EPB41L4A: variants seen among roughly 807,000 people sequenced by gnomAD.
The protein encoded by EPB41L4A is band 4.1-like protein 4A.
In EPB41L4A, 100 loss-of-function variants were observed where a neutral mutation model predicts 108.6. The observed-to-expected ratio is 0.92, with a 90% confidence interval of 0.78 to 1.09. The LOEUF (loss-of-function observed/expected upper bound fraction) is 1.09, where lower values mean the gene tolerates loss of function less well. Ranked by LOEUF, EPB41L4A falls within the 50% of genes least tolerant of loss-of-function variation. The pLI is 0.00. For synonymous variants in EPB41L4A, 319 were observed against 289.0 expected, an observed-to-expected ratio of 1.10 and a Z score of -1.05; for missense variants, 1,030 against 842.7, an observed-to-expected ratio of 1.22 and a Z score of -2.75.
intron 2 of EPB41L4A, among the ~76,000 whole-genome samples, chr5:112,287,465 T>A (rs1372909176): frequency 6.6e-6 from 1 of 152,268 alleles, no homozygotes; most frequent in East Asian, 1.9e-4. Flanking sequence ...CATTATCTTT[T>A]ACTTGGATTT....
At chr5:112,173,789 A>G (rs1187664248) in intron 18 of EPB41L4A, 1 of 152,070 alleles carries the variant, frequency 6.6e-6, no homozygotes, top group Non-Finnish European at 1.5e-5. Context: ...GATTGCAGGC[A>G]TGTGCCACCC....
At chr5:112,345,999 G>C (rs1757637717) in intron 1 of EPB41L4A, among the ~76,000 whole-genome samples, 1 of 151,772 alleles carries the variant, frequency 6.6e-6, no homozygotes, top group Non-Finnish European at 1.5e-5. Flanking sequence ...TCACTGACAA[G>C]GACAAGGCAG....
intron 1 of EPB41L4A, among the ~76,000 whole-genome samples, chr5:112,355,548 G>A (rs1758308951): frequency 1.3e-5 from 2 of 152,150 alleles, no homozygotes; most frequent in African/African-American, 4.8e-5. Context: ...AATATGATGA[G>A]TTCATTTCTG....
At chr5:112,278,789 C>T (rs1336630988) in intron 3 of EPB41L4A, among the ~76,000 whole-genome samples, 1 of 151,134 alleles carries the variant, frequency 6.6e-6, no homozygotes, top group Non-Finnish European at 1.5e-5. Flanking sequence ...TGCAATGGCT[C>T]ACACCTGTAA....
intron 20 of EPB41L4A, 49 bp from the exon 21 acceptor site, chr5:112,169,154 A>C (rs753933549): frequency 1.7e-5 from 22 of 1,312,886 alleles, no homozygotes; most frequent in Non-Finnish European, 2.4e-5. Flanking sequence ...AAGTCAGAAA[A>C]GGAAAAGTAG....
intron 1 of EPB41L4A, among the ~76,000 whole-genome samples, chr5:112,322,655 A>AG (rs1051811781): frequency 4.6e-5 from 7 of 151,854 alleles, no homozygotes; most frequent in African/African-American, 1.7e-4. Context: ...CCCATACCTC[A>AG]GCTGATGGGT....
chr5:112,341,723 G>A (rs1757329331), intron 1 of EPB41L4A, among the ~76,000 whole-genome samples: 1 of 151,392 alleles, frequency 6.6e-6, no homozygotes, highest in Non-Finnish European at 1.5e-5. Context: ...ACCAGCCTGT[G>A]CAACATGGCA....
At chr5:112,286,354 T>C (rs1037631452) in intron 2 of EPB41L4A, among the ~76,000 whole-genome samples, 11 of 152,048 alleles carry the variant, frequency 7.2e-5, no homozygotes, top group Non-Finnish European at 1.6e-4. Context: ...TGCACAACCA[T>C]AGGTGGGCTT....
chr5:112,337,182 A>T (rs1001980683), intron 1 of EPB41L4A, among the ~76,000 whole-genome samples: 1 of 152,218 alleles, frequency 6.6e-6, no homozygotes, highest in African/African-American at 2.4e-5. Context: ...ATGAAATTTT[A>T]TCAGCTTTTC....
intron 12 of EPB41L4A, among the ~76,000 whole-genome samples, chr5:112,212,883 C>CTT (rs1283497056): frequency 6.6e-6 from 1 of 152,154 alleles, no homozygotes; most frequent in Non-Finnish European, 1.5e-5. Context: ...AGACTGACTA[C>CTT]TTTTTTCTTA....
chr5:112,276,712 A>G (rs1274840989), intron 3 of EPB41L4A, among the ~76,000 whole-genome samples: 1 of 152,236 alleles, frequency 6.6e-6, no homozygotes, highest in African/African-American at 2.4e-5. Flanking sequence ...AAACTGGGGA[A>G]AAGAAATTAA....
intron 1 of EPB41L4A, among the ~76,000 whole-genome samples, chr5:112,318,508 C>T (rs1200054592): frequency 6.6e-6 from 1 of 152,132 alleles, no homozygotes; most frequent in Non-Finnish European, 1.5e-5. Context: ...TTTCAGACGC[C>T]CTTCTAAGGC....
intron 1 of EPB41L4A, among the ~76,000 whole-genome samples, chr5:112,397,378 A>G (rs1275057167): frequency 6.6e-6 from 1 of 152,248 alleles, no homozygotes; most frequent in Admixed American, 6.5e-5. Context: ...CCTTCATATT[A>G]TACATGTATT....
chr5:112,390,548 T>C (rs1400996481), intron 1 of EPB41L4A, among the ~76,000 whole-genome samples: 1 of 151,968 alleles, frequency 6.6e-6, no homozygotes, highest in Non-Finnish European at 1.5e-5. Context: ...GCCCAGAAAC[T>C]CAAACTGGGT....
chr5:112,316,922 C>G (rs1179829565), intron 1 of EPB41L4A, among the ~76,000 whole-genome samples: 1 of 152,174 alleles, frequency 6.6e-6, no homozygotes, highest in Admixed American at 6.5e-5. Flanking sequence ...GCAAGGTAAT[C>G]TGACTTCGTG....
At chr5:112,291,667 T>C (rs1753652087) in intron 2 of EPB41L4A, among the ~76,000 whole-genome samples, 9 of 152,156 alleles carry the variant, frequency 5.9e-5, no homozygotes, top group Admixed American at 5.9e-4. Context: ...AGTCTAGCCC[T>C]ATACACCTGG....
intron 17 of EPB41L4A, among the ~76,000 whole-genome samples, chr5:112,187,971 A>C (rs1030083818): frequency 1.3e-5 from 2 of 152,232 alleles, no homozygotes; most frequent in Admixed American, 1.3e-4. Context: ...TTGTTCATAT[A>C]TAAAATTATG....
chr5:112,244,874 C>T (rs935811404), intron 9 of EPB41L4A, among the ~76,000 whole-genome samples: 1 of 152,078 alleles, frequency 6.6e-6, no homozygotes, highest in African/African-American at 2.4e-5. Flanking sequence ...TTATCAAGCG[C>T]CCGTGCCCTT....
intron 4 of EPB41L4A, among the ~76,000 whole-genome samples, chr5:112,268,784 A>G (rs531912296): frequency 8.2e-4 from 117 of 143,522 alleles, no homozygotes; most frequent in Non-Finnish European, 1.5e-3. Flanking sequence ...TTGAGGTTGC[A>G]GTGAACCATA....
Sources: gnomAD v4.1 joint callset for allele counts (sites outside exome capture counted in the v4.1 genomes callset) on GRCh38, gnomAD v4.1.1 for gene constraint, MANE v1.5 for transcripts, NCBI Gene and HGNC (gene_info 2026-07-23, HGNC 2026-07-21) for gene names.